The following KAZN variants were observed in gnomAD, a reference collection of about 807,000 sequenced individuals.
KAZN encodes the protein kazrin.
Under a neutral mutation model 87.4 loss-of-function variants are expected in KAZN, and 40 were observed. That is an observed-to-expected ratio of 0.46 (90% CI 0.36 to 0.60). KAZN has a LOEUF of 0.60. KAZN is among the 20% of genes least tolerant of loss of function. KAZN has a pLI of 0.00. For synonymous variants in KAZN, 466 were observed against 458.3 expected (o/e 1.02, Z -0.22); for missense variants, 898 against 1,073.9 (o/e 0.84, Z 2.29).
intron 2 of KAZN, among the ~76,000 whole-genome samples, chr1:14,523,385 TG>T (rs199671284): frequency 0.013 from 1,903 of 152,184 alleles, 39 homozygotes; most frequent in African/African-American, 0.043. Flanking sequence ...AGCTGTCCAG[TG>T]GGCAGCTCCA....
intron 2 of KAZN, among the ~76,000 whole-genome samples, chr1:14,482,056 A>T (rs1256590420): frequency 2.6e-5 from 4 of 152,230 alleles, no homozygotes; most frequent in Non-Finnish European, 5.9e-5. Flanking sequence ...CAGAGAGCCA[A>T]CAGGTGCCAG....
intron 1 of KAZN, among the ~76,000 whole-genome samples, chr1:13,964,500 C>G (rs1386679204): frequency 1.3e-5 from 2 of 152,196 alleles, no homozygotes; most frequent in Admixed American, 1.3e-4. Flanking sequence ...GGTCGTGGCT[C>G]ACCTGGACTG....
At chr1:15,073,509 C>T (rs766704187) in intron 8 of KAZN, among the ~76,000 whole-genome samples, 43 of 152,144 alleles carry the variant, frequency 2.8e-4, no homozygotes, top group Admixed American at 1.3e-3. Flanking sequence ...GAAACTTACC[C>T]AAGCCAGACC....
chr1:14,075,402 G>C (rs1476907821), intron 1 of KAZN, among the ~76,000 whole-genome samples: 2 of 152,110 alleles, frequency 1.3e-5, no homozygotes, highest in Non-Finnish European at 2.9e-5. Context: ...TGTCGCAAGA[G>C]AAGAGAAAAT....
chr1:14,074,727 C>G (rs981485652), intron 1 of KAZN, among the ~76,000 whole-genome samples: 1 of 152,118 alleles, frequency 6.6e-6, no homozygotes, highest in African/African-American at 2.4e-5. Context: ...AATGAGGTGT[C>G]AAAAAGAATC....
At chr1:15,070,788 C>A (rs2100589911) in intron 8 of KAZN, among the ~76,000 whole-genome samples, 1 of 152,294 alleles carries the variant, frequency 6.6e-6, no homozygotes, top group Admixed American at 6.5e-5. Flanking sequence ...CTGCAATGAG[C>A]CGAGATCGAG....
chr1:13,945,729 G>GAA (rs1641125267), intron 1 of KAZN, among the ~76,000 whole-genome samples: 3 of 146,550 alleles, frequency 2.0e-5, no homozygotes, highest in African/African-American at 5.0e-5. Flanking sequence ...GAGAGAGAGA[G>GAA]AGAGAGAATG....
chr1:14,759,416 T>C (rs1644671508), intron 1 of KAZN, among the ~76,000 whole-genome samples: 1 of 152,210 alleles, frequency 6.6e-6, no homozygotes, highest in African/African-American at 2.4e-5. Context: ...GAGAGCACTG[T>C]TTTACAGTCT....
intron 8 of KAZN, among the ~76,000 whole-genome samples, chr1:15,090,530 G>A (rs370626961): frequency 1.3e-5 from 2 of 152,266 alleles, no homozygotes; most frequent in Non-Finnish European, 2.9e-5. Flanking sequence ...TGACAGCCCT[G>A]TCACCTGGCA....
chr1:14,522,179 A>G (rs189554366), intron 2 of KAZN, among the ~76,000 whole-genome samples: 23 of 152,330 alleles, frequency 1.5e-4, no homozygotes, highest in African/African-American at 4.3e-4. Context: ...TAAGTAAGAT[A>G]TAATTTTCTG....
intron 1 of KAZN, among the ~76,000 whole-genome samples, chr1:14,103,860 T>C (rs1441125611): frequency 1.3e-5 from 2 of 152,166 alleles, no homozygotes; most frequent in African/African-American, 4.8e-5. Flanking sequence ...GGAGACATCG[T>C]TGGGGGCCAT....
intron 1 of KAZN, among the ~76,000 whole-genome samples, chr1:14,870,743 T>C (rs1652044127): frequency 6.6e-6 from 1 of 152,206 alleles, no homozygotes; most frequent in Non-Finnish European, 1.5e-5. Context: ...TAATGGCCCA[T>C]GGTCAGCTCT....
At chr1:14,997,140 C>T (rs547414542) in intron 2 of KAZN, among the ~76,000 whole-genome samples, 10 of 152,260 alleles carry the variant, frequency 6.6e-5, no homozygotes, top group African/African-American at 2.2e-4. Flanking sequence ...CATCCCCTCC[C>T]CTCCAGCGAG....
At chr1:15,083,476 C>A (rs147961812) in intron 8 of KAZN, among the ~76,000 whole-genome samples, 6 of 152,156 alleles carry the variant, frequency 3.9e-5, no homozygotes, top group Non-Finnish European at 8.8e-5. Context: ...CACCTGTCCC[C>A]GGTAGCTTAG....
intron 1 of KAZN, among the ~76,000 whole-genome samples, chr1:14,664,588 A>G: frequency 6.6e-6 from 1 of 152,140 alleles, no homozygotes; most frequent in East Asian, 1.9e-4. Context: ...TGTGACAAGT[A>G]CAATATTCCA....
chr1:14,185,226 G>T (rs1369448214), intron 2 of KAZN, among the ~76,000 whole-genome samples: 1 of 152,090 alleles, frequency 6.6e-6, no homozygotes, highest in Non-Finnish European at 1.5e-5. Flanking sequence ...TCTCTCCCTA[G>T]GTTCTCTTCC....
At chr1:14,707,099 C>G (rs953993612) in intron 1 of KAZN, among the ~76,000 whole-genome samples, 3 of 152,142 alleles carry the variant, frequency 2.0e-5, no homozygotes, top group African/African-American at 4.8e-5. Flanking sequence ...TGTTGGCATT[C>G]GAAAACCTTT....
intron 2 of KAZN, among the ~76,000 whole-genome samples, chr1:14,185,263 A>G (rs1646280054): frequency 6.6e-6 from 1 of 152,184 alleles, no homozygotes; most frequent in African/African-American, 2.4e-5. Flanking sequence ...AAACTCTGAC[A>G]TTAGAACCAG....
At chr1:13,958,522 C>T (rs894081468) in intron 1 of KAZN, among the ~76,000 whole-genome samples, 5 of 147,772 alleles carry the variant, frequency 3.4e-5, no homozygotes, top group South Asian at 2.1e-4. Context: ...TGCCATGAGC[C>T]GAGATTGCGC....
Sources: allele counts gnomAD v4.1 joint callset (sites outside exome capture counted in the v4.1 genomes callset), GRCh38; gene constraint gnomAD v4.1.1; transcripts MANE v1.5; gene names NCBI Gene and HGNC (gene_info 2026-07-23, HGNC 2026-07-21).